LCOR: variants seen among roughly 807,000 people sequenced by gnomAD.
The protein encoded by LCOR is ligand-dependent corepressor.
LCOR carries 14 observed loss-of-function variants against 64.4 expected under a neutral mutation model. The ratio of observed to expected loss-of-function variants is 0.22; its 90% confidence interval spans 0.14 to 0.34. The LOEUF is 0.34. LCOR is among the 10% of genes least tolerant of loss of function. The pLI is 1.00. For synonymous variants in LCOR, 643 were observed against 642.5 expected, an observed-to-expected ratio of 1.00 and a Z score of -0.01; for missense variants, 1,686 against 1,765.3, an observed-to-expected ratio of 0.96 and a Z score of 0.80.
intron 2 of LCOR, among the ~76,000 whole-genome samples, chr10:96,861,715 T>G (rs1380623200): frequency 6.6e-6 from 1 of 152,130 alleles, no homozygotes; most frequent in Admixed American, 6.5e-5. Context: ...CCGGCTAATT[T>G]TTGTATTTTT....
At chr10:96,944,973 A>G (rs1199886958) in intron 5 of LCOR, among the ~76,000 whole-genome samples, 1 of 152,162 alleles carries the variant, frequency 6.6e-6, no homozygotes, top group Non-Finnish European at 1.5e-5. Flanking sequence ...AACCTTCAGG[A>G]AAGTTCCCTT....
At chr10:96,843,804 A>G (rs913507644) in intron 2 of LCOR, among the ~76,000 whole-genome samples, 59 of 152,304 alleles carry the variant, frequency 3.9e-4, no homozygotes, top group Non-Finnish European at 4.9e-4. Flanking sequence ...CCCACCTCGC[A>G]TCCCCATCAA....
chr10:96,928,360 C>T (rs371088067), intron 4 of LCOR, among the ~76,000 whole-genome samples: 11 of 152,180 alleles, frequency 7.2e-5, no homozygotes, highest in South Asian at 4.2e-4. Flanking sequence ...TAGATTCCAT[C>T]GTAAGAAACC....
intron 7 of LCOR, chr10:96,956,175 C>G (rs961805298): frequency 1.6e-6 from 2 of 1,263,554 alleles, no homozygotes; most frequent in African/African-American, 1.5e-5. Flanking sequence ...AGTTACCTCA[C>G]AGAGAACAGA....
At chr10:96,900,440 A>G (rs1846613694) in intron 2 of LCOR, among the ~76,000 whole-genome samples, 1 of 152,154 alleles carries the variant, frequency 6.6e-6, no homozygotes. Context: ...AAAGAAATGG[A>G]TAATTGAAAA....
intron 2 of LCOR, among the ~76,000 whole-genome samples, chr10:96,872,335 A>G (rs1020079243): frequency 3.3e-5 from 5 of 152,256 alleles, no homozygotes; most frequent in Non-Finnish European, 5.9e-5. Context: ...AGAGTGTCCA[A>G]AGAATCAGGG....
At chr10:96,899,896 A>G (rs1056991797) in intron 2 of LCOR, among the ~76,000 whole-genome samples, 1 of 152,306 alleles carries the variant, frequency 6.6e-6, no homozygotes, top group Middle Eastern at 3.4e-3. Flanking sequence ...AAACAGGCAT[A>G]GAGTACCTGT....
intron 2 of LCOR, among the ~76,000 whole-genome samples, chr10:96,887,437 C>A (rs1349212131): frequency 3.3e-5 from 5 of 151,804 alleles, no homozygotes; most frequent in Non-Finnish European, 7.4e-5. Flanking sequence ...GTGGCGGGCG[C>A]CTGTAGTCCC....
In LCOR at chr10:96,862,730, A is replaced by G. The variant is rs1589613116; in HGVS notation, c.-330+29251A>G. On this transcript the variant is annotated intron_variant, in intron 2 of 7. Coordinates refer to ENST00000421806, the MANE Select transcript of LCOR (RefSeq NM_001346516.2). ...ATCCTCAAGCTACCTAGGAATTGCCAGCCCCCGTCAACTCATTGGTGTACA... is the reference window on the plus strand; with the variant it reads ...ATCCTCAAGCTACCTAGGAATTGCCGGCCCCCGTCAACTCATTGGTGTACA... Among the ~76,000 whole-genome samples, 13 of 152,358 alleles carry G rather than the reference A, an allele frequency of 8.5e-5. 3 individuals are homozygous for G. The highest frequency in any genetic ancestry group is 8.5e-4 in the Admixed American group (13 of 15,308).
chr10:96,990,291 T>G lies in LCOR; in HGVS notation c.*5157T>G, dbSNP rs1269717281. 6.6e-6 allele frequency: 1 copy of G among 152,054 alleles called. No individual in the cohort carries two copies. Among genetic ancestry groups the G allele is most frequent in the Admixed American group, 6.5e-5 (1 of 15,274 alleles). 9.4% of individuals were successfully genotyped at this position (152,054 alleles called of 1,614,324 possible). ...GTACAGTTTTTTGAAAGTATAGTCA[T>G]CTTCATTTTTATGACGCCCACTGCA... is the stretch of plus-strand genomic sequence containing the variant. On this transcript the variant is annotated 3_prime_UTR_variant, in exon 8 of 8. Transcript: ENST00000421806.
intron 4 of LCOR, among the ~76,000 whole-genome samples, chr10:96,920,461 CAT>C (rs374993931): frequency 0.032 from 436 of 13,636 alleles, 25 homozygotes; most frequent in African/African-American, 0.094. Flanking sequence ...TATGTATATT[CAT>C]ATATGTGTAT....
At chr10:96,935,710 C>T (rs903627738) in intron 4 of LCOR, among the ~76,000 whole-genome samples, 4 of 152,246 alleles carry the variant, frequency 2.6e-5, no homozygotes, top group African/African-American at 4.8e-5. Context: ...GGCACACACC[C>T]GTAATCTCAG....
intron 2 of LCOR, among the ~76,000 whole-genome samples, chr10:96,879,377 G>A (rs1284720109): frequency 1.3e-5 from 2 of 152,078 alleles, no homozygotes; most frequent in Non-Finnish European, 2.9e-5. Flanking sequence ...ATTATTTCCT[G>A]TTATTTTATT....
rs564472253 is a variant in LCOR at position 96,834,427 on chromosome 10, T to G, written c.-330+948T>G. Among the ~76,000 whole-genome samples the G allele has an allele frequency of 2.8e-4, 43 of 152,326 alleles. 1 individual carries two copies. In the South Asian group the frequency reaches 8.7e-3, roughly 31 times the overall value. On this transcript the variant is annotated intron_variant, in intron 2 of 7. Transcript: ENST00000421806. ...CTATCAGTTATCCTGTACTCTGCTC[T>G]ATCTCTGCTTGTTTTATTCTTTCAA...
At chr10:96,922,677 T>C (rs941631641) in intron 4 of LCOR, among the ~76,000 whole-genome samples, 7 of 151,972 alleles carry the variant, frequency 4.6e-5, no homozygotes, top group Non-Finnish European at 1.0e-4. Flanking sequence ...TCTGTGGGGG[T>C]GGTTTGCTTT....
At chr10:96,926,069 C>G (rs989749556) in intron 4 of LCOR, among the ~76,000 whole-genome samples, 1 of 152,144 alleles carries the variant, frequency 6.6e-6, no homozygotes, top group Non-Finnish European at 1.5e-5. Flanking sequence ...ACAAGATGTT[C>G]TAAATTCATC....
At chr10:96,903,822 G>A (rs943958774) in intron 2 of LCOR, among the ~76,000 whole-genome samples, 2 of 152,184 alleles carry the variant, frequency 1.3e-5, no homozygotes, top group African/African-American at 2.4e-5. Flanking sequence ...AATCAGGCAT[G>A]TGAAGCCTTT....
At position 96,956,812 on chromosome 10, in the gene LCOR, C is replaced by T. The variant is rs561809306; in HGVS notation, c.332+4616C>T. 11 of 985,816 alleles carry T rather than the reference C, an allele frequency of 1.1e-5. No individual in the cohort carries two copies. The South Asian group carries it at 4.7e-4, about 42-fold the overall frequency. 61.1% of individuals were successfully genotyped at this position (985,816 alleles called of 1,614,324 possible). A position where few individuals can be genotyped will look rare whatever the true frequency, so the allele number is the denominator to read the frequency against. Reference sequence around the variant, plus strand: ...TGCCTCATTTTAGCAAACTAGGTTTCTTTGTATTCTTCAGTCCTTTTACAG... The same window carrying T: ...TGCCTCATTTTAGCAAACTAGGTTTTTTTGTATTCTTCAGTCCTTTTACAG... On this transcript the variant is annotated intron_variant, in intron 7 of 7. Transcript: ENST00000421806.
At chr10:96,869,093 A>G (rs1846026949) in intron 2 of LCOR, among the ~76,000 whole-genome samples, 1 of 152,120 alleles carries the variant, frequency 6.6e-6, no homozygotes, top group Non-Finnish European at 1.5e-5. Flanking sequence ...TTTAGTAGAT[A>G]CGGGGTTTCA....
Sources: allele counts gnomAD v4.1 joint callset (sites outside exome capture counted in the v4.1 genomes callset), GRCh38; gene constraint gnomAD v4.1.1; transcripts MANE v1.5; gene names NCBI Gene and HGNC (gene_info 2026-07-23, HGNC 2026-07-21).